The following RPH3A variants were observed in gnomAD, a reference collection of about 807,000 sequenced individuals.
RPH3A encodes rabphilin-3A.
RPH3A carries 48 observed loss-of-function variants against 102.2 expected under a neutral mutation model. That is an observed-to-expected ratio of 0.47 (90% confidence interval 0.37 to 0.60). The LOEUF (loss-of-function observed/expected upper bound fraction) is 0.60, where lower values mean the gene tolerates loss of function less well. Among genes scored for constraint, RPH3A ranks in the 20% least tolerant of loss-of-function variants. The pLI, the probability that RPH3A is intolerant of heterozygous loss-of-function variation, is 0.00. For missense variants in RPH3A, 781 were observed against 910.1 expected, an observed-to-expected ratio of 0.86 and a Z score of 1.83; for synonymous variants, 310 against 324.3, an observed-to-expected ratio of 0.96 and a Z score of 0.47.
intron 2 of RPH3A, among the ~76,000 whole-genome samples, chr12:112,817,283 C>T (rs535067086): frequency 6.6e-6 from 1 of 152,278 alleles, no homozygotes; most frequent in South Asian, 2.1e-4. Flanking sequence ...TCCATCTACC[C>T]AGGATCCATC....
chr12:112,584,722 G>A lies in RPH3A; in HGVS notation c.-140+9403G>A, dbSNP rs116381001. 8.1e-3 allele frequency among the ~76,000 whole-genome samples: 1,236 copies of A among 152,294 alleles called. 16 individuals are homozygous for A. Among genetic ancestry groups the A allele is most frequent in the African/African-American group, 0.027 (1,142 of 41,568 alleles). ...TACTTACTTCCACTTTATGTGAAGT[G>A]GCTTTCCCCGGAAGGAATGAACAAA... On this transcript the variant is annotated intron_variant, in intron 1 of 21. Coordinates refer to the RPH3A transcript ENST00000543106.
chr12:112,813,764 C>T (rs146798466), intron 2 of RPH3A, among the ~76,000 whole-genome samples: 6 of 152,320 alleles, frequency 3.9e-5, no homozygotes, highest in African/African-American at 1.4e-4. Flanking sequence ...CCCCACGTAA[C>T]AGTTGAGGGA....
At chr12:112,702,472 G>A (rs1376605176) in intron 1 of RPH3A, among the ~76,000 whole-genome samples, 1 of 152,196 alleles carries the variant, frequency 6.6e-6, no homozygotes, top group Non-Finnish European at 1.5e-5. Flanking sequence ...ACTGAGGCAG[G>A]TACAATGGCC....
At chr12:112,577,973 TAG>T (rs1328043014) in intron 1 of RPH3A, among the ~76,000 whole-genome samples, 4 of 152,184 alleles carry the variant, frequency 2.6e-5, no homozygotes, top group Non-Finnish European at 5.9e-5. Context: ...TCAAGTAAAG[TAG>T]AGATTCAGTC....
Position 112,648,570 on chromosome 12 carries a change from C to CAAAAA in RPH3A, c.-140+73275_-140+73279dup, listed in dbSNP as rs1167121829. On this transcript the variant is annotated intron_variant, in intron 1 of 21. Coordinates refer to the RPH3A transcript ENST00000543106. The stretch of plus-strand genomic sequence containing the variant: ...GCAACAGAGTGAAACCCCATCTCTA[C>CAAAAA]AAAAAAAAAAAAAAAAAAAAAAAAA... 1.2e-3 allele frequency among the ~76,000 whole-genome samples: 13 copies of CAAAAA among 11,044 alleles called. 5 individuals carry two copies. The highest frequency in any genetic ancestry group is 4.8e-3 in the African/African-American group (12 of 2,480). 7.2% of individuals were successfully genotyped at this position (11,044 alleles called of 152,430 possible).
At chr12:112,790,767 A>G (rs1024846644), upstream of RPH3A, among the ~76,000 whole-genome samples, 1 of 152,226 alleles carries the variant, frequency 6.6e-6, no homozygotes, top group Non-Finnish European at 1.5e-5. Flanking sequence ...CCAAGGCTCA[A>G]TGGTCTGATT....
intron 1 of RPH3A, among the ~76,000 whole-genome samples, chr12:112,659,773 C>T (rs1266812519): frequency 6.6e-6 from 1 of 152,142 alleles, no homozygotes; most frequent in Non-Finnish European, 1.5e-5. Context: ...GGGGTTCTAA[C>T]TATCATTGTC....
chr12:112,764,832 T>C (rs1259814142), intron 1 of RPH3A, among the ~76,000 whole-genome samples: 1 of 152,150 alleles, frequency 6.6e-6, no homozygotes, highest in African/African-American at 2.4e-5. Context: ...AATCTCTGGG[T>C]GACCTCACCA....
chr12:112,816,249 G>C (rs1261047223), intron 2 of RPH3A, among the ~76,000 whole-genome samples: 1 of 152,208 alleles, frequency 6.6e-6, no homozygotes, highest in Non-Finnish European at 1.5e-5. Flanking sequence ...CTGTAAAAGT[G>C]GGTCATGTAA....
intron 1 of RPH3A, among the ~76,000 whole-genome samples, chr12:112,664,799 C>T (rs1211147310): frequency 2.6e-5 from 4 of 152,070 alleles, no homozygotes; most frequent in South Asian, 2.1e-4. Flanking sequence ...ACCACGACCC[C>T]GTGTCTTCTA....
intron 1 of RPH3A, among the ~76,000 whole-genome samples, chr12:112,711,815 G>A (rs140605801): frequency 1.2e-3 from 180 of 152,102 alleles, no homozygotes; most frequent in African/African-American, 3.8e-3. Context: ...CTCTTTCCTC[G>A]TTCCTTGTTC....
chr12:112,740,831 G>C (rs776280807), intron 1 of RPH3A, among the ~76,000 whole-genome samples: 1 of 152,180 alleles, frequency 6.6e-6, no homozygotes, highest in South Asian at 2.1e-4. Flanking sequence ...GTCTGAAAGT[G>C]CCATCTCCAT....
intron 1 of RPH3A, among the ~76,000 whole-genome samples, chr12:112,697,871 A>G (rs1234168787): frequency 6.6e-6 from 1 of 152,166 alleles, no homozygotes; most frequent in Non-Finnish European, 1.5e-5. Context: ...ATCTCAAAAA[A>G]AAAAATCCAA....
intron 1 of RPH3A, among the ~76,000 whole-genome samples, chr12:112,611,366 T>C (rs2039637699): frequency 6.6e-6 from 1 of 152,180 alleles, no homozygotes; most frequent in Admixed American, 6.5e-5. Flanking sequence ...TTTACTTCCC[T>C]AGGAAAGGTG....
chr12:112,875,492 C>G (rs893416082), intron 11 of RPH3A, among the ~76,000 whole-genome samples, 187 bp from the exon 12 acceptor site: 1 of 152,154 alleles, frequency 6.6e-6, no homozygotes, highest in African/African-American at 2.4e-5. Context: ...TCCCACAGCA[C>G]TAGGGCTTGG....
At chr12:112,771,663 A>T (rs1224316984) in intron 1 of RPH3A, among the ~76,000 whole-genome samples, 3 of 152,206 alleles carry the variant, frequency 2.0e-5, no homozygotes. Context: ...AATTTTATTA[A>T]TTTTCACTCT....
intron 2 of RPH3A, among the ~76,000 whole-genome samples, chr12:112,797,815 G>C (rs3782879): frequency 0.12 from 18,267 of 151,786 alleles, 1,161 homozygotes; most frequent in East Asian, 0.27. Context: ...GTCTCAGCCT[G>C]CCAAGTAGCT....
At chr12:112,724,381 T>A (rs2040572894) in intron 1 of RPH3A, among the ~76,000 whole-genome samples, 1 of 152,174 alleles carries the variant, frequency 6.6e-6, no homozygotes, top group South Asian at 2.1e-4. Flanking sequence ...TTTTTAATAT[T>A]TTTTGGCAGT....
chr12:112,664,359 G>A (rs1252885276), intron 1 of RPH3A, among the ~76,000 whole-genome samples: 1 of 152,114 alleles, frequency 6.6e-6, no homozygotes, highest in Non-Finnish European at 1.5e-5. Flanking sequence ...AAACAATCAG[G>A]TTCTCTCTCC....
Sources: gnomAD v4.1 joint callset for allele counts (sites outside exome capture counted in the v4.1 genomes callset) on GRCh38, gnomAD v4.1.1 for gene constraint, MANE v1.5 for transcripts, NCBI Gene and HGNC (gene_info 2026-07-23, HGNC 2026-07-21) for gene names.